UHRF2: variants seen among roughly 807,000 people sequenced by gnomAD.
UHRF2 encodes E3 ubiquitin-protein ligase UHRF2.
In UHRF2, 23 loss-of-function variants were observed where a neutral mutation model predicts 96.8. That is an observed-to-expected ratio of 0.24 (90% CI 0.17 to 0.34). UHRF2 has a LOEUF of 0.34. UHRF2 is among the 10% of genes least tolerant of loss of function. UHRF2 has a pLI of 1.00. For missense variants in UHRF2, 685 were observed against 981.5 expected (o/e 0.70, Z 4.04); for synonymous variants, 385 against 332.6 (o/e 1.16, Z -1.72).
rs1322324184 is a variant in UHRF2 at position 6,421,063 on chromosome 9, C to T, written c.305C>T (p.Ala102Val). The T allele has an allele frequency of 1.9e-6, 3 of 1,614,062 alleles. No individual in the cohort carries two copies. The highest frequency in any genetic ancestry group is 2.5e-6 in the Non-Finnish European group (3 of 1,180,034). Reference sequence around the variant, plus strand: ...AATAGTCCACCTAAAGTAAAGAAAGCTCCGAGGGTAGGACCTTCCAATCAG... The same window carrying T: ...AATAGTCCACCTAAAGTAAAGAAAGTTCCGAGGGTAGGACCTTCCAATCAG... ...CSNSPPKVKKAPRVGPSNQPS... is the reference protein window; with the variant it reads ...CSNSPPKVKKVPRVGPSNQPS... Residue 102 changes from alanine (A) to valine (V), a missense_variant, in exon 2 of 16, where the codon GCT (alanine) becomes GTT (valine). Physicochemically the swap from Ala to Val is moderately conservative, Grantham distance 64. Transcript: ENST00000276893.
chr9:6,416,008 G>C (rs988849955), intron 1 of UHRF2, among the ~76,000 whole-genome samples: 3 of 152,154 alleles, frequency 2.0e-5, no homozygotes, highest in African/African-American at 7.2e-5. Context: ...AGATCTCCAG[G>C]TGATCTGTAT....
chr9:6,483,897 C>G (rs915352580), intron 8 of UHRF2, among the ~76,000 whole-genome samples: 1 of 152,154 alleles, frequency 6.6e-6, no homozygotes, highest in African/African-American at 2.4e-5. Flanking sequence ...CCATGTTGGT[C>G]AGGCTGGTCT....
intron 9 of UHRF2, among the ~76,000 whole-genome samples, chr9:6,491,458 G>A (rs917679800): frequency 2.0e-5 from 3 of 152,232 alleles, no homozygotes; most frequent in African/African-American, 7.2e-5. Flanking sequence ...GGGATGTAAA[G>A]GGTGTTATGA....
intron 9 of UHRF2, among the ~76,000 whole-genome samples, chr9:6,488,897 C>G (rs1248118723): frequency 1.3e-5 from 2 of 152,004 alleles, no homozygotes; most frequent in Non-Finnish European, 2.9e-5. Context: ...ACTGCAACCT[C>G]TGCCTCCCAG....
chr9:6,436,568 G>A (rs1455528279), intron 3 of UHRF2, among the ~76,000 whole-genome samples: 6 of 152,114 alleles, frequency 3.9e-5, no homozygotes, highest in Admixed American at 2.0e-4. Flanking sequence ...TTATTGTTTG[G>A]CAAATAATAT....
chr9:6,471,736 C>T (rs1195589636), intron 4 of UHRF2, among the ~76,000 whole-genome samples: 6 of 152,172 alleles, frequency 3.9e-5, no homozygotes, highest in Admixed American at 2.6e-4. Context: ...TGAGTAAGTA[C>T]AAGCAGTTTG....
Position 6,506,240 on chromosome 9 carries a change from G to T in UHRF2, c.*61G>T. The T allele has an allele frequency of 5.0e-6, 8 of 1,587,138 alleles. No homozygotes were observed. Among genetic ancestry groups the T allele is most frequent in the Middle Eastern group, 1.9e-4 (1 of 5,152 alleles). On this transcript the variant is annotated 3_prime_UTR_variant, in exon 16 of 16. Transcript: ENST00000276893. ...TTTGGACAATAAAGAATCTAAAATG[G>T]GTGGGGAGGGTGGAAGAAATGGTGG...
At chr9:6,492,253 T>G in intron 9 of UHRF2, 1 of 865,984 alleles carries the variant, frequency 1.2e-6, no homozygotes, top group Non-Finnish European at 1.6e-6. Flanking sequence ...TTATGCTCTC[T>G]TACTTTCCAT....
chr9:6,475,911 G>T (rs540947191), intron 5 of UHRF2, among the ~76,000 whole-genome samples: 1 of 151,848 alleles, frequency 6.6e-6, no homozygotes, highest in African/African-American at 2.4e-5. Flanking sequence ...TTCTTTTAGC[G>T]ATTTTGAAAC....
At chr9:6,468,330 A>C in intron 4 of UHRF2, 1 of 412,344 alleles carries the variant, frequency 2.4e-6, no homozygotes, top group Non-Finnish European at 4.9e-6. Context: ...AAAGTAGTAC[A>C]TGGAAAGCAC....
At chr9:6,485,803 CAAAAAAA>C (rs57868028) in intron 8 of UHRF2, among the ~76,000 whole-genome samples, 7 of 59,226 alleles carry the variant, frequency 1.2e-4, no homozygotes, top group Non-Finnish European at 2.0e-4. Context: ...TGTCTCTACC[CAAAAAAA>C]AAAAAAAAAA....
At chr9:6,427,931 A>C (rs1164684945) in intron 2 of UHRF2, among the ~76,000 whole-genome samples, 7 of 152,174 alleles carry the variant, frequency 4.6e-5, no homozygotes, top group Non-Finnish European at 7.3e-5. Flanking sequence ...TAATTTTCTG[A>C]AGCAAGATGG....
chr9:6,417,982 C>G (rs1165923902), intron 1 of UHRF2, among the ~76,000 whole-genome samples: 1 of 152,104 alleles, frequency 6.6e-6, no homozygotes, highest in Admixed American at 6.5e-5. Context: ...TAACTGCTAT[C>G]TTCATTTTTG....
chr9:6,424,765 A>T (rs1052821009), intron 2 of UHRF2, among the ~76,000 whole-genome samples: 1 of 142,284 alleles, frequency 7.0e-6, no homozygotes, highest in Non-Finnish European at 1.5e-5. Flanking sequence ...TGACTGTGAC[A>T]ATTTCTCAGG....
chr9:6,423,991 G>C (rs1267841946), intron 2 of UHRF2, among the ~76,000 whole-genome samples: 2 of 89,704 alleles, frequency 2.2e-5, no homozygotes, highest in Non-Finnish European at 4.3e-5. Flanking sequence ...AAGAGGAATA[G>C]ACAGAATAGG....
intron 10 of UHRF2, chr9:6,495,248 T>C (rs1824895686): frequency 6.6e-6 from 1 of 152,200 alleles, no homozygotes; most frequent in African/African-American, 2.4e-5. Flanking sequence ...ACAATCTCAT[T>C]AGAAAATAAT....
At chr9:6,422,874 A>G (rs992343713) in intron 2 of UHRF2, 2 of 385,922 alleles carry the variant, frequency 5.2e-6, no homozygotes, top group Non-Finnish European at 9.1e-6. Flanking sequence ...ATATATGGTT[A>G]TCTTCTAAAA....
chr9:6,452,735 C>T (rs1821949201), intron 3 of UHRF2, among the ~76,000 whole-genome samples: 1 of 152,178 alleles, frequency 6.6e-6, no homozygotes, highest in South Asian at 2.1e-4. Flanking sequence ...GAATACTGAG[C>T]ACCAGCAGAT....
At chr9:6,475,153 T>A (rs1823488215) in intron 4 of UHRF2, among the ~76,000 whole-genome samples, 1 of 152,212 alleles carries the variant, frequency 6.6e-6, no homozygotes, top group Non-Finnish European at 1.5e-5. Flanking sequence ...TAGCTACTTC[T>A]TACCAGATTA....
Sources: allele counts gnomAD v4.1 joint callset (sites outside exome capture counted in the v4.1 genomes callset), GRCh38; gene constraint gnomAD v4.1.1; transcripts MANE v1.5; gene names NCBI Gene and HGNC (gene_info 2026-07-23, HGNC 2026-07-21).